PDCD6: variants seen among roughly 807,000 people sequenced by gnomAD.
PDCD6 encodes the protein programmed cell death protein 6.
PDCD6 carries 12 observed loss-of-function variants against 28.3 expected under a neutral mutation model. The observed-to-expected ratio is 0.42, with a 90% CI of 0.27 to 0.69. The LOEUF (loss-of-function observed/expected upper bound fraction) is 0.69. Among genes scored for constraint, PDCD6 ranks in the 30% least tolerant of loss-of-function variants. The probability of loss-of-function intolerance (pLI) is 0.22; values close to 1 mark genes in which losing one functional copy is unlikely to be tolerated. For missense variants in PDCD6, 226 were observed against 269.9 expected (o/e 0.84, Z 1.14); for synonymous variants, 92 against 108.0 (o/e 0.85, Z 0.92).
At chr5:288,804 A>G (rs1739146732) in intron 2 of PDCD6, 2 of 1,184,784 alleles carry the variant, frequency 1.7e-6, no homozygotes, top group Non-Finnish European at 2.3e-6. Flanking sequence ...AACTGTATGT[A>G]AAATACTGCA....
At chr5:296,414 T>G (rs183953163) in intron 2 of PDCD6, among the ~76,000 whole-genome samples, 1 of 152,270 alleles carries the variant, frequency 6.6e-6, no homozygotes, top group Non-Finnish European at 1.5e-5. Context: ...ATATTTCAGA[T>G]GCACCTGGTG....
At chr5:292,901 G>T (rs1397996169) in intron 2 of PDCD6, among the ~76,000 whole-genome samples, 3 of 152,210 alleles carry the variant, frequency 2.0e-5, no homozygotes, top group Non-Finnish European at 4.4e-5. Context: ...ACACCTAGAG[G>T]CCCTTGGTTG....
chr5:299,988 T>C (rs905445331), intron 2 of PDCD6, among the ~76,000 whole-genome samples: 7 of 152,060 alleles, frequency 4.6e-5, no homozygotes, highest in Non-Finnish European at 8.8e-5. Context: ...TCACTGTCCT[T>C]CTCTCACATG....
intron 2 of PDCD6, among the ~76,000 whole-genome samples, chr5:285,287 G>A (rs1424003442): frequency 6.6e-6 from 1 of 151,860 alleles, no homozygotes; most frequent in Admixed American, 6.5e-5. Context: ...GACCCGGGGG[G>A]GAACTGATGC....
At chr5:286,784 G>A (rs1738998583) in intron 2 of PDCD6, among the ~76,000 whole-genome samples, 1 of 152,206 alleles carries the variant, frequency 6.6e-6, no homozygotes. Context: ...TGTGTGTTGT[G>A]CAGCTGCAGA....
intron 2 of PDCD6, among the ~76,000 whole-genome samples, chr5:288,309 T>TACAC (rs139710056): frequency 1.6e-5 from 2 of 125,070 alleles, no homozygotes; most frequent in Non-Finnish European, 3.7e-5. Context: ...TATATATATA[T>TACAC]ATACACATAT....
At chr5:302,130 C>A (rs1188387786) in intron 2 of PDCD6, among the ~76,000 whole-genome samples, 1 of 114,974 alleles carries the variant, frequency 8.7e-6, no homozygotes, top group Admixed American at 1.0e-4. Flanking sequence ...GGTGCACCTG[C>A]CTTTGTGGGA....
rs1294602883 is a variant in PDCD6, at chr5:290,257, A to G, written c.164-13920A>G. 4.0e-6 allele frequency: 6 copies of G among 1,506,774 alleles called. No homozygotes were observed. In the African/African-American group the frequency reaches 5.5e-5, roughly 14 times the overall value. 93.3% of individuals were successfully genotyped at this position (1,506,774 alleles called of 1,614,324 possible). A position where few individuals can be genotyped will look rare whatever the true frequency, so the allele number is the denominator to read the frequency against. On this transcript the variant is annotated intron_variant, in intron 2 of 5. Transcript: ENST00000264933. ...GACAAAGAAACTGATCCAGGACAGG[A>G]CAAACTTCCTTTTTCCCCTCTTCTC...
Position 271,762 on chromosome 5 carries a change from TGG to T in PDCD6, c.44_45del (p.Gly15AlafsTer22). The T allele has an allele frequency of 6.7e-7, 1 of 1,488,960 alleles. No homozygotes were observed. Among genetic ancestry groups the T allele is most frequent in the Non-Finnish European group, 8.9e-7 (1 of 1,123,918 alleles). 92.2% of individuals were successfully genotyped at this position (1,488,960 alleles called of 1,614,324 possible). A position where few individuals can be genotyped will look rare whatever the true frequency, so the allele number is the denominator to read the frequency against. On this transcript the variant is annotated frameshift_variant, in exon 1 of 6. Transcript: ENST00000264933. ...ACCGCCCCGGCCCTGGGGCCGGCCC[TGG>T]GCCTGCTGCAGGCGCGGCGCTGCCG... is the stretch of plus-strand genomic sequence containing the variant. ...SYRPGPGAGP[G>X]PAAGAALPDQ...
intron 2 of PDCD6, among the ~76,000 whole-genome samples, chr5:273,807 A>G (rs1466820271): frequency 6.6e-6 from 1 of 152,182 alleles, no homozygotes; most frequent in Non-Finnish European, 1.5e-5. Flanking sequence ...CGTGTGGGCC[A>G]CAGATGCTGG....
intron 2 of PDCD6, among the ~76,000 whole-genome samples, chr5:295,218 AAAAC>A (rs200081472): frequency 3.3e-5 from 5 of 151,838 alleles, no homozygotes; most frequent in African/African-American, 7.3e-5. Flanking sequence ...TTAAAATAAA[AAAAC>A]CACAAAAAGT....
chr5:278,769 G>A (rs573490710), intron 2 of PDCD6, among the ~76,000 whole-genome samples: 81 of 150,480 alleles, frequency 5.4e-4, no homozygotes, highest in African/African-American at 1.9e-3. Context: ...GGGCAAGCAG[G>A]GGAGAGGGCT....
At chr5:289,967 T>C (rs1739217980) in intron 2 of PDCD6, 1 of 1,592,210 alleles carries the variant, frequency 6.3e-7, no homozygotes, top group African/African-American at 1.3e-5. Context: ...CTGAGAAATT[T>C]GTCTGTTCCT....
intron 2 of PDCD6, among the ~76,000 whole-genome samples, chr5:301,414 G>A (rs1356730021): frequency 6.6e-6 from 1 of 152,158 alleles, no homozygotes; most frequent in Non-Finnish European, 1.5e-5. Context: ...TTGCCTTGTG[G>A]GTTTTCTGTA....
intron 2 of PDCD6, among the ~76,000 whole-genome samples, chr5:280,337 C>G (rs1738485707): frequency 6.6e-6 from 1 of 152,156 alleles, no homozygotes; most frequent in Non-Finnish European, 1.5e-5. Context: ...TAGGCCAGAG[C>G]AGAGGGCAGG....
intron 2 of PDCD6, among the ~76,000 whole-genome samples, chr5:294,329 G>T (rs935583376): frequency 2.7e-5 from 4 of 148,626 alleles, no homozygotes; most frequent in African/African-American, 1.0e-4. Flanking sequence ...CGCAGGATAT[G>T]TGAAGAACCA....
At chr5:289,008 A>G in intron 2 of PDCD6, 1 of 1,252,532 alleles carries the variant, frequency 8.0e-7, no homozygotes, top group Non-Finnish European at 1.2e-6. Flanking sequence ...TTCGGAATGT[A>G]GTAAATCTTT....
intron 2 of PDCD6, among the ~76,000 whole-genome samples, chr5:297,053 C>T (rs1245454689): frequency 1.3e-5 from 2 of 152,246 alleles, no homozygotes; most frequent in East Asian, 3.8e-4. Context: ...TGGTGCTCGG[C>T]GCTGGAGGCT....
chr5:289,327 T>C (rs1343277714), intron 2 of PDCD6: 7 of 549,930 alleles, frequency 1.3e-5, no homozygotes, highest in Non-Finnish European at 2.0e-5. Flanking sequence ...AGTTCTATTA[T>C]GTACAATTCT....
Sources: allele counts gnomAD v4.1 joint callset (sites outside exome capture counted in the v4.1 genomes callset), GRCh38; gene constraint gnomAD v4.1.1; transcripts MANE v1.5; gene names NCBI Gene and HGNC (gene_info 2026-07-23, HGNC 2026-07-21).